Variants in ACBD6 observed in about 807,000 individuals in gnomAD.
ACBD6 encodes acyl-CoA-binding domain-containing protein 6.
Under a neutral mutation model 37.2 loss-of-function variants are expected in ACBD6, and 28 were observed. The observed-to-expected ratio is 0.75, with a 90% CI of 0.56 to 1.03. ACBD6 has a LOEUF of 1.03. ACBD6 is among the 50% of genes least tolerant of loss of function. The pLI is 0.00. For synonymous variants in ACBD6, 113 were observed against 126.8 expected (o/e 0.89, Z 0.73); for missense variants, 340 against 337.4 (o/e 1.01, Z -0.06).
chr1:180,361,007 T>G (rs1311960736), intron 6 of ACBD6, among the ~76,000 whole-genome samples: 1 of 152,278 alleles, frequency 6.6e-6, no homozygotes, highest in East Asian at 1.9e-4. Flanking sequence ...TTTTTTTTAC[T>G]GCACAGGCTA....
intron 3 of ACBD6, among the ~76,000 whole-genome samples, chr1:180,481,440 C>T (rs1557888513): frequency 6.6e-6 from 1 of 152,144 alleles, no homozygotes; most frequent in African/African-American, 2.4e-5. Context: ...ATCATGCAGA[C>T]TTTGTGCTTT....
intron 4 of ACBD6, 54 bp from the exon 5 acceptor site, chr1:180,413,525 A>T (rs1017272695): frequency 6.0e-5 from 81 of 1,341,328 alleles, no homozygotes; most frequent in Admixed American, 8.6e-5. Flanking sequence ...TTAAAGTTAC[A>T]TATTTTCAAC....
chr1:180,499,979 G>A (rs1004054163), intron 1 of ACBD6, among the ~76,000 whole-genome samples: 1 of 151,998 alleles, frequency 6.6e-6, no homozygotes, highest in African/African-American at 2.4e-5. Flanking sequence ...TGGGCATGCG[G>A]GATCATGTCT....
chr1:180,323,686 A>G (rs1300666212), intron 6 of ACBD6, among the ~76,000 whole-genome samples: 2 of 151,992 alleles, frequency 1.3e-5, no homozygotes, highest in Non-Finnish European at 2.9e-5. Flanking sequence ...TTGTCTTGAA[A>G]TCTATTTTGT....
rs74132908 is a variant in ACBD6 at position 180,486,165 on chromosome 1, G to A, written c.384+6104C>T. ...AAGCCATCTTCAGGGATGAGGTAACGTATCTCTATCCCCTGACAACAATCA... is the reference window on the plus strand; with the variant it reads ...AAGCCATCTTCAGGGATGAGGTAACATATCTCTATCCCCTGACAACAATCA... On this transcript the variant is annotated intron_variant, in intron 3 of 7. Coordinates refer to ENST00000367595, the MANE Select transcript of ACBD6 (RefSeq NM_032360.4). 6.7e-3 allele frequency among the ~76,000 whole-genome samples: 1,016 copies of A among 152,220 alleles called. 17 individuals are homozygous for A. The highest frequency in any genetic ancestry group is 0.023 in the African/African-American group (971 of 41,522).
intron 6 of ACBD6, among the ~76,000 whole-genome samples, chr1:180,315,756 T>C (rs974877387): frequency 3.3e-5 from 5 of 152,106 alleles, no homozygotes; most frequent in Admixed American, 6.6e-5. Flanking sequence ...AAAAAAGTCA[T>C]GGCAGGGGGA....
chr1:180,444,783 C>CT (rs1649415663), intron 3 of ACBD6, among the ~76,000 whole-genome samples: 1 of 152,162 alleles, frequency 6.6e-6, no homozygotes, highest in African/African-American at 2.4e-5. Flanking sequence ...GCCTGAGACT[C>CT]TATTAGTTGA....
chr1:180,286,815 T>C (rs960630704), downstream of ACBD6, among the ~76,000 whole-genome samples: 3 of 152,198 alleles, frequency 2.0e-5, no homozygotes, highest in Non-Finnish European at 4.4e-5. Context: ...ACAGCACTAA[T>C]ATGCCTCATT....
At chr1:180,486,616 A>C (rs1430881690) in intron 3 of ACBD6, among the ~76,000 whole-genome samples, 1 of 152,258 alleles carries the variant, frequency 6.6e-6, no homozygotes, top group Non-Finnish European at 1.5e-5. Flanking sequence ...AAAATTATGG[A>C]GTTAAAAAAT....
chr1:180,477,579 T>A (rs1557887038), intron 3 of ACBD6, among the ~76,000 whole-genome samples: 2 of 152,134 alleles, frequency 1.3e-5, no homozygotes, highest in African/African-American at 4.8e-5. Context: ...GAACGAATTT[T>A]TTTTTCAGTA....
chr1:180,409,053 G>A (rs1647742189), intron 5 of ACBD6, among the ~76,000 whole-genome samples: 1 of 152,022 alleles, frequency 6.6e-6, no homozygotes, highest in African/African-American at 2.4e-5. Flanking sequence ...GCTACCTGGG[G>A]GCTGAGGTGG....
At chr1:180,326,250 C>T (rs538292267) in intron 6 of ACBD6, among the ~76,000 whole-genome samples, 2 of 152,276 alleles carry the variant, frequency 1.3e-5, no homozygotes, top group South Asian at 4.1e-4. Context: ...ACAAGTCAGT[C>T]CTTCCCTCCC....
intron 3 of ACBD6, among the ~76,000 whole-genome samples, chr1:180,467,354 G>A (rs2102051595): frequency 7.0e-6 from 1 of 142,068 alleles, no homozygotes; most frequent in African/African-American, 2.6e-5. Context: ...GCTCATGCCT[G>A]TAATCCCAGG....
At chr1:180,289,502 A>G (rs1207500190) in intron 7 of ACBD6, among the ~76,000 whole-genome samples, 1 of 152,220 alleles carries the variant, frequency 6.6e-6, no homozygotes, top group African/African-American at 2.4e-5. Context: ...CAGAGTGTAC[A>G]CTGGTGTTGC....
At chr1:180,488,380 T>C (rs1212715476) in intron 3 of ACBD6, among the ~76,000 whole-genome samples, 2 of 152,194 alleles carry the variant, frequency 1.3e-5, no homozygotes, top group Admixed American at 6.5e-5. Context: ...TTTTAAAGCA[T>C]TGTTTTATAC....
At chr1:180,398,562 A>T (rs898684306) in intron 5 of ACBD6, among the ~76,000 whole-genome samples, 4 of 152,248 alleles carry the variant, frequency 2.6e-5, no homozygotes, top group African/African-American at 7.2e-5. Context: ...AAGAGAATGG[A>T]TGACTAAATA....
chr1:180,320,868 G>A (rs1253969743), intron 6 of ACBD6, among the ~76,000 whole-genome samples: 2 of 152,000 alleles, frequency 1.3e-5, no homozygotes, highest in Non-Finnish European at 2.9e-5. Context: ...TTTTTACAGA[G>A]ACCAAAGTCC....
intron 4 of ACBD6, among the ~76,000 whole-genome samples, chr1:180,419,420 T>C (rs1229778901): frequency 1.3e-5 from 2 of 152,202 alleles, no homozygotes; most frequent in Non-Finnish European, 2.9e-5. Context: ...GTTTTTCTTA[T>C]AATGGTATTT....
intron 6 of ACBD6, among the ~76,000 whole-genome samples, chr1:180,381,305 T>C (rs1653637304): frequency 6.6e-6 from 1 of 152,096 alleles, no homozygotes; most frequent in Non-Finnish European, 1.5e-5. Context: ...CAGACAGAAA[T>C]CATCTAGACA....
Sources: gnomAD v4.1 joint callset for allele counts (sites outside exome capture counted in the v4.1 genomes callset) on GRCh38, gnomAD v4.1.1 for gene constraint, MANE v1.5 for transcripts, NCBI Gene and HGNC (gene_info 2026-07-23, HGNC 2026-07-21) for gene names.